Variants in MGAM observed in about 807,000 individuals in gnomAD.
MGAM encodes maltase-glucoamylase, also known as alpha-1,4-glucosidase.
MGAM carries 253 observed loss-of-function variants against 358.8 expected under a neutral mutation model. The ratio of observed to expected loss-of-function variants is 0.71; its 90% CI spans 0.64 to 0.78. MGAM has a LOEUF of 0.78. Among genes scored for constraint, MGAM ranks in the 30% least tolerant of loss-of-function variants. The pLI, the probability that MGAM is intolerant of heterozygous loss-of-function variation, is 0.00. For synonymous variants in MGAM, 1,105 were observed against 1,227.1 expected, an observed-to-expected ratio of 0.90 and a Z score of 2.08; for missense variants, 3,080 against 3,432.6, an observed-to-expected ratio of 0.90 and a Z score of 2.57.
In MGAM at chr7:142,102,652, T is replaced by C. The variant is rs748992727; in HGVS notation, c.7986T>C (p.Tyr2662=). The C allele has an allele frequency of 6.2e-7, 1 of 1,613,526 alleles. No homozygotes were observed. The highest frequency in any genetic ancestry group is 1.7e-5 in the Admixed American group (1 of 59,974). ...QSIDTYGKGL[Y]YLASFSASQN... ...CAGATACCTATGGGAAAGGACTCTATTACTTGGCCAGCTTTTCTGCCAGCC... is the reference window on the plus strand; with the variant it reads ...CAGATACCTATGGGAAAGGACTCTACTACTTGGCCAGCTTTTCTGCCAGCC... The change falls in exon 69 of 71, where the codon TAT becomes TAC. Residue 2662 remains tyrosine, a synonymous_variant. Transcript: ENST00000475668.
chr7:142,013,273 G>C (rs1266333570), intron 3 of MGAM, among the ~76,000 whole-genome samples: 2 of 151,996 alleles, frequency 1.3e-5, no homozygotes, highest in Non-Finnish European at 2.9e-5. Context: ...AGTGACTGAG[G>C]TCTAATGCGA....
chr7:142,067,935 A>AATATATATATATATATATATATATAT (rs547783903), intron 42 of MGAM, among the ~76,000 whole-genome samples: 1 of 29,182 alleles, frequency 3.4e-5, no homozygotes, highest in Non-Finnish European at 8.7e-5. Flanking sequence ...ACCTCCCTCA[A>AATATATATATATATATATATATATAT]ATATATATAT....
chr7:142,040,805 C>A lies in MGAM; in HGVS notation c.2457C>A (p.Tyr819Ter). 1 of 1,613,176 alleles carries A rather than the reference C, an allele frequency of 6.2e-7. No individual in the cohort carries two copies. Among genetic ancestry groups the A allele is most frequent in the Non-Finnish European group, 8.5e-7 (1 of 1,179,424 alleles). ...TTGGACTTCACCTTCGAGGAGGCTA[C>A]ATCTTCCCCACACAGCAGCCAAATA... The part of the protein sequence containing the change: ...DKIGLHLRGG[Y>*]IFPTQQPNTT... Residue 819 changes from tyrosine (Y) to a stop codon, truncating the protein, a stop_gained, in exon 21 of 71, where the codon TAC becomes TAA. Coordinates refer to ENST00000475668, the MANE Select transcript of MGAM (RefSeq NM_001365693.1). LOFTEE classifies it high-confidence loss of function.
In MGAM at chr7:142,074,230, C is replaced by T. The variant is rs1585060474; in HGVS notation, c.5275+57C>T. The T allele has an allele frequency of 6.0e-6, 7 of 1,163,564 alleles. 1 individual carries two copies. In the East Asian group the frequency reaches 9.9e-5, roughly 16 times the overall value. The allele number at this position is 1,163,564 out of a possible 1,614,324, so 72.1% of individuals were successfully genotyped here. The stretch of plus-strand genomic sequence containing the variant: ...CCAACCTGCGCCTGTGACTTATGGT[C>T]CTTCACTCCTGCTGGTCATTCAGCT... On this transcript the variant is annotated intron_variant, in intron 45 of 70. Coordinates refer to ENST00000475668, the MANE Select transcript of MGAM (RefSeq NM_001365693.1).
intron 65 of MGAM, 131 bp from the exon 66 acceptor site, chr7:142,097,462 G>A: frequency 1.2e-6 from 1 of 813,954 alleles, no homozygotes; most frequent in Non-Finnish European, 2.1e-6. Context: ...TTCCTCAATA[G>A]GTGACCTCCT....
Position 142,088,788 on chromosome 7 carries a change from T to TCATTCTATC in MGAM, c.6810+2072_6810+2073insATTCTATCC, listed in dbSNP as rs1563214292. The stretch of plus-strand genomic sequence containing the variant: ...ATCTATCTATCTATCTATCTATCTA[T>TCATTCTATC]CTATCTATCTATCATTCTATCCTAT... On this transcript the variant is annotated intron_variant, in intron 57 of 70. Coordinates refer to ENST00000475668, the MANE Select transcript of MGAM (RefSeq NM_001365693.1). Among the ~76,000 whole-genome samples, 8 of 134,370 alleles carry TCATTCTATC rather than the reference T, an allele frequency of 6.0e-5. 1 individual carries two copies. The East Asian group carries it at 9.7e-4, about 16-fold the overall frequency. The allele number at this position is 134,370 out of a possible 152,430, so 88.2% of individuals were successfully genotyped here.
Position 142,025,885 on chromosome 7 carries a change from C to T in MGAM, c.982+736C>T, listed in dbSNP as rs187092329. ...GGACATCTAAGAGATGAATCTAAGA[C>T]GATTCTAATAGAATCTTAGATGGTC... On this transcript the variant is annotated intron_variant, in intron 8 of 70. Transcript: ENST00000475668. Among the ~76,000 whole-genome samples, 342 of 152,180 alleles carry T rather than the reference C, an allele frequency of 2.2e-3. 1 individual carries two copies. The highest frequency in any genetic ancestry group is 8.0e-3 in the African/African-American group (332 of 41,524).
At chr7:141,999,012 T>C (rs1554449804) in intron 1 of MGAM, among the ~76,000 whole-genome samples, 1 of 152,202 alleles carries the variant, frequency 6.6e-6, no homozygotes, top group East Asian at 1.9e-4. Flanking sequence ...ACTTACACAG[T>C]ATAACCCAGT....
chr7:142,099,838 AT>A, intron 67 of MGAM, 101 bp downstream of exon 67: 1 of 1,483,562 alleles, frequency 6.7e-7, no homozygotes, highest in Non-Finnish European at 9.1e-7. Context: ...CCCACATGCA[AT>A]TCTACTCAAC....
chr7:142,028,657 T>C (rs1807183207), intron 10 of MGAM, among the ~76,000 whole-genome samples: 1 of 152,202 alleles, frequency 6.6e-6, no homozygotes, highest in South Asian at 2.1e-4. Context: ...CATTTTGCCA[T>C]TGAAGCTGAG....
At chr7:142,045,398 A>G (rs1365464287) in intron 21 of MGAM, among the ~76,000 whole-genome samples, 1 of 49,702 alleles carries the variant, frequency 2.0e-5, no homozygotes, top group Non-Finnish European at 4.5e-5. Context: ...AATACATGAT[A>G]TATTATATAT....
chr7:142,019,448 T>G (rs188476601), intron 4 of MGAM, 129 bp downstream of exon 4: 1 of 1,012,044 alleles, frequency 9.9e-7, no homozygotes, highest in East Asian at 2.8e-5. Flanking sequence ...AGGTGGGCAT[T>G]GCTCTTAATC....
chr7:142,044,462 G>A (rs1441730665), intron 21 of MGAM, among the ~76,000 whole-genome samples: 2 of 133,326 alleles, frequency 1.5e-5, no homozygotes, highest in African/African-American at 5.4e-5. Context: ...ATACACATAC[G>A]ATATATGATA....
intron 2 of MGAM, among the ~76,000 whole-genome samples, chr7:141,989,348 G>A (rs1554446836): frequency 6.6e-6 from 1 of 152,018 alleles, no homozygotes; most frequent in African/African-American, 2.4e-5. Flanking sequence ...GGAGGGGTTG[G>A]GAAACTGACA....
At chr7:142,092,408 CATCTATAGGGATTACTGG>C in intron 58 of MGAM, 95 bp from the exon 59 acceptor site, 1 of 1,093,564 alleles carries the variant, frequency 9.1e-7, no homozygotes, top group Non-Finnish European at 1.3e-6. Context: ...CCAGGGCTGG[CATCTATAGGGATTACTGG>C]ATGTTGAACA....
chr7:142,066,799 G>C lies in MGAM; in HGVS notation c.4919+78G>C, dbSNP rs74583377. 6 of 1,441,492 alleles carry C rather than the reference G, an allele frequency of 4.2e-6. 1 individual carries two copies. The highest frequency in any genetic ancestry group is 5.7e-6 in the Non-Finnish European group (6 of 1,053,132). The allele number at this position is 1,441,492 out of a possible 1,614,324, so 89.3% of individuals were successfully genotyped here. On this transcript the variant is annotated intron_variant, in intron 41 of 70. Coordinates refer to ENST00000475668, the MANE Select transcript of MGAM (RefSeq NM_001365693.1). Reference sequence around the variant, plus strand: ...TGTGGTAGCAGTTGATATACACAACGCTTCCAAATTAAAGACATGATGGCC... The same window carrying C: ...TGTGGTAGCAGTTGATATACACAACCCTTCCAAATTAAAGACATGATGGCC...
At chr7:142,044,298 T>C (rs1321306833) in intron 21 of MGAM, among the ~76,000 whole-genome samples, 1 of 93,408 alleles carries the variant, frequency 1.1e-5, no homozygotes, top group Non-Finnish European at 2.5e-5. Flanking sequence ...ATATAATATA[T>C]ACTATATATA....
chr7:141,987,137 G>A (rs1554446369), intron 2 of MGAM, among the ~76,000 whole-genome samples: 1 of 151,972 alleles, frequency 6.6e-6, no homozygotes, highest in African/African-American at 2.4e-5. Context: ...TTAGGATAGT[G>A]GTGGTGCTGG....
chr7:142,086,823 A>G, intron 57 of MGAM, 106 bp downstream of exon 57: 1 of 526,918 alleles, frequency 1.9e-6, no homozygotes, highest in East Asian at 3.5e-5. Flanking sequence ...TTGGCAAGGG[A>G]GAAACACTTA....
Sources: gnomAD v4.1 joint callset for allele counts (sites outside exome capture counted in the v4.1 genomes callset) on GRCh38, gnomAD v4.1.1 for gene constraint, MANE v1.5 for transcripts, NCBI Gene and HGNC (gene_info 2026-07-23, HGNC 2026-07-21) for gene names.